Variants in MAP7 observed in about 807,000 individuals in gnomAD.
MAP7 encodes microtubule associated protein 7.
A neutral mutation model predicts 94.8 loss-of-function variants in MAP7; 52 were observed. The ratio of observed to expected loss-of-function variants is 0.55; its 90% CI spans 0.44 to 0.69. The LOEUF (loss-of-function observed/expected upper bound fraction) is 0.69, where lower values mean the gene tolerates loss of function less well. MAP7 is among the 30% of genes least tolerant of loss of function. MAP7 has a pLI of 0.00. For missense variants in MAP7, 940 were observed against 964.6 expected (o/e 0.97, Z 0.34); for synonymous variants, 350 against 357.0 (o/e 0.98, Z 0.22).
intron 1 of MAP7, among the ~76,000 whole-genome samples, chr6:136,473,485 T>C (rs969874104): frequency 6.6e-6 from 1 of 152,228 alleles, no homozygotes. Flanking sequence ...GTGTATAATA[T>C]GAAAATGGGA....
At chr6:136,359,798 T>C in intron 15 of MAP7, 22 bp downstream of exon 15, 1 of 1,607,060 alleles carries the variant, frequency 6.2e-7, no homozygotes, top group East Asian at 2.2e-5. Context: ...ATAAATTGGT[T>C]TGAGTTCATT....
chr6:136,346,219 T>C, intron 16 of MAP7, 140 bp from the exon 17 acceptor site: 1 of 598,458 alleles, frequency 1.7e-6, no homozygotes, highest in Non-Finnish European at 2.9e-6. Flanking sequence ...GTCACATCAT[T>C]ACTAACAAAA....
chr6:136,477,255 C>A (rs1438078993), intron 1 of MAP7, among the ~76,000 whole-genome samples: 1 of 152,156 alleles, frequency 6.6e-6, no homozygotes, highest in Non-Finnish European at 1.5e-5. Flanking sequence ...AAATATATTA[C>A]CTCAGTCTAA....
chr6:136,359,930 T>G (rs760845803), intron 14 of MAP7, 51 bp downstream of exon 14: 5 of 1,608,828 alleles, frequency 3.1e-6, no homozygotes, highest in Non-Finnish European at 4.2e-6. Context: ...CAAGTGAAAA[T>G]GAAAAAGATA....
chr6:136,359,879 T>C lies in MAP7; in HGVS notation c.1855-2A>G. ...ACCGTTTCTCTGATCACTGGTTTTCTACGAAGAAGAAAAAAAGAGGACTTT... is the reference window on the plus strand; with the variant it reads ...ACCGTTTCTCTGATCACTGGTTTTCCACGAAGAAGAAAAAAAGAGGACTTT... On this transcript the variant is annotated splice_acceptor_variant, in intron 14 of 17. Transcript: ENST00000354570. LOFTEE classifies it high-confidence loss of function. 6.2e-7 allele frequency: 1 copy of C among 1,613,170 alleles called. No homozygotes were observed. The highest frequency in any genetic ancestry group is 8.5e-7 in the Non-Finnish European group (1 of 1,179,862).
chr6:136,536,787 G>A (rs1327015032), intron 1 of MAP7, among the ~76,000 whole-genome samples: 1 of 152,222 alleles, frequency 6.6e-6, no homozygotes, highest in Non-Finnish European at 1.5e-5. Context: ...GAAAATAACT[G>A]CAGGACTGCA....
intron 1 of MAP7, among the ~76,000 whole-genome samples, chr6:136,522,470 C>T (rs1464031963): frequency 6.6e-6 from 1 of 151,992 alleles, no homozygotes; most frequent in Non-Finnish European, 1.5e-5. Flanking sequence ...TGATGTTTGC[C>T]CAACAGTATG....
At chr6:136,451,168 T>C (rs1479330805) in intron 1 of MAP7, among the ~76,000 whole-genome samples, 1 of 152,186 alleles carries the variant, frequency 6.6e-6, no homozygotes, top group East Asian at 1.9e-4. Context: ...GCAACAAACC[T>C]TACCCTTGTT....
Position 136,449,788 on chromosome 6 carries a change from T to G in MAP7, c.68-27989A>C, listed in dbSNP as rs139155581. On this transcript the variant is annotated intron_variant, in intron 1 of 17. Transcript: ENST00000354570. ...CGAAGGCATTAGCCAACGATTGCAC[T>G]GATGAACTTACATGAGCAACTGGGA... Among the ~76,000 whole-genome samples, 34 of 152,362 alleles carry G rather than the reference T, an allele frequency of 2.2e-4. No homozygotes were observed. The East Asian group carries it at 6.5e-3, about 29-fold the overall frequency.
At chr6:136,383,817 A>ATTG in intron 5 of MAP7, 36 bp from the exon 6 acceptor site, 1 of 1,271,214 alleles carries the variant, frequency 7.9e-7, no homozygotes, top group East Asian at 2.4e-5. Flanking sequence ...TTGACAGCCA[A>ATTG]CATGTAGGAT....
At chr6:136,468,036 G>A (rs1392714408) in intron 1 of MAP7, among the ~76,000 whole-genome samples, 1 of 152,016 alleles carries the variant, frequency 6.6e-6, no homozygotes, top group East Asian at 1.9e-4. Context: ...AGGAGCCAGT[G>A]GAGTGCCCCT....
intron 1 of MAP7, among the ~76,000 whole-genome samples, chr6:136,451,158 G>T (rs540116598): frequency 6.6e-6 from 1 of 152,074 alleles, no homozygotes; most frequent in African/African-American, 2.4e-5. Context: ...TTAAATCTGC[G>T]CAACAAACCT....
At chr6:136,506,422 GA>G (rs1821532522) in intron 1 of MAP7, among the ~76,000 whole-genome samples, 1 of 152,082 alleles carries the variant, frequency 6.6e-6, no homozygotes, top group Non-Finnish European at 1.5e-5. Context: ...TGTGGGGAGG[GA>G]AGGGCATTGG....
chr6:136,474,306 A>G (rs895465610), intron 1 of MAP7, among the ~76,000 whole-genome samples: 7 of 152,202 alleles, frequency 4.6e-5, no homozygotes, highest in African/African-American at 1.7e-4. Context: ...ATTAGTCTAA[A>G]AGGTGACTCT....
At chr6:136,519,386 A>G (rs1313000350) in intron 1 of MAP7, among the ~76,000 whole-genome samples, 4 of 152,170 alleles carry the variant, frequency 2.6e-5, no homozygotes, top group African/African-American at 9.7e-5. Context: ...ACATAAGGAC[A>G]CTGGGAAAAG....
chr6:136,351,256 A>G (rs1277808188), intron 16 of MAP7, among the ~76,000 whole-genome samples: 4 of 151,682 alleles, frequency 2.6e-5, no homozygotes, highest in Non-Finnish European at 5.9e-5. Flanking sequence ...AAAAAAAACG[A>G]AAAAACAAAA....
intron 1 of MAP7, among the ~76,000 whole-genome samples, chr6:136,491,051 C>A (rs1218843107): frequency 6.6e-6 from 1 of 152,226 alleles, no homozygotes; most frequent in East Asian, 1.9e-4. Context: ...TAGAATCCAT[C>A]TCTACTCTCC....
chr6:136,537,475 T>C (rs887869614), intron 1 of MAP7, among the ~76,000 whole-genome samples: 2 of 152,238 alleles, frequency 1.3e-5, no homozygotes, highest in Non-Finnish European at 2.9e-5. Context: ...CTGGGCCTTA[T>C]ACAGTCACTG....
In MAP7 at chr6:136,381,810, GT is replaced by G. The variant is rs1174665759; in HGVS notation, c.637+1860del. ...GTTTTCTGGCCCCCTCTATGAACTGGTTATTGAACTTCCCTTAACGCTGATG... is the reference window on the plus strand; with the variant it reads ...GTTTTCTGGCCCCCTCTATGAACTGGTATTGAACTTCCCTTAACGCTGATG... On this transcript the variant is annotated intron_variant, in intron 6 of 17. Coordinates refer to ENST00000354570, the MANE Select transcript of MAP7 (RefSeq NM_003980.6). Among the ~76,000 whole-genome samples, 3 of 148,740 alleles carry G rather than the reference GT, an allele frequency of 2.0e-5. No homozygotes were observed. The Admixed American group carries it at 2.0e-4, about 10-fold the overall frequency.
Sources: gnomAD v4.1 joint callset for allele counts (sites outside exome capture counted in the v4.1 genomes callset) on GRCh38, gnomAD v4.1.1 for gene constraint, MANE v1.5 for transcripts, NCBI Gene and HGNC (gene_info 2026-07-23, HGNC 2026-07-21) for gene names.